The following INPP4B variants were observed in gnomAD, a reference collection of about 807,000 sequenced individuals.
The protein encoded by INPP4B is inositol polyphosphate-4-phosphatase type II B, also known as inositol polyphosphate 4-phosphatase type II.
Under a neutral mutation model 122.5 loss-of-function variants are expected in INPP4B, and 55 were observed. That is an observed-to-expected ratio of 0.45 (90% confidence interval 0.36 to 0.56). INPP4B has a LOEUF of 0.56. Ranked by LOEUF, INPP4B falls within the 20% of genes least tolerant of loss-of-function variation. The pLI, the probability that INPP4B is intolerant of heterozygous loss-of-function variation, is 0.00. For synonymous variants in INPP4B, 403 were observed against 388.7 expected, an observed-to-expected ratio of 1.04 and a Z score of -0.43; for missense variants, 1,000 against 1,097.7, an observed-to-expected ratio of 0.91 and a Z score of 1.26.
chr4:142,164,788 T>C (rs980353010), intron 16 of INPP4B, among the ~76,000 whole-genome samples: 2 of 151,682 alleles, frequency 1.3e-5, no homozygotes, highest in African/African-American at 4.8e-5. Flanking sequence ...AGGGTCTCAC[T>C]ATGTTGCCTG....
chr4:142,441,112 A>C (rs1004295551), intron 3 of INPP4B, among the ~76,000 whole-genome samples: 14 of 152,220 alleles, frequency 9.2e-5, no homozygotes, highest in African/African-American at 3.4e-4. Context: ...CATTAGATAT[A>C]CTTAAGCAAG....
chr4:142,546,599 G>A (rs1056497264), intron 2 of INPP4B, among the ~76,000 whole-genome samples: 8 of 152,196 alleles, frequency 5.3e-5, no homozygotes, highest in African/African-American at 1.2e-4. Flanking sequence ...GTGTCAACAC[G>A]GAGATATTCT....
At chr4:142,810,891 G>T (rs940881387) in intron 1 of INPP4B, among the ~76,000 whole-genome samples, 20 of 152,092 alleles carry the variant, frequency 1.3e-4, no homozygotes, top group Non-Finnish European at 2.8e-4. Context: ...CATACAAATT[G>T]TCATTCAAAA....
chr4:142,083,551 T>A (rs1775232717), intron 24 of INPP4B, among the ~76,000 whole-genome samples: 2 of 152,196 alleles, frequency 1.3e-5, no homozygotes, highest in Admixed American at 1.3e-4. Context: ...GTCTTCTTTA[T>A]TATCTGTCAT....
chr4:142,740,757 C>CA (rs1307804686), intron 1 of INPP4B, among the ~76,000 whole-genome samples: 4 of 151,744 alleles, frequency 2.6e-5, no homozygotes, highest in Admixed American at 6.6e-5. Context: ...CTTGGAGTAG[C>CA]AAAAAAAGGA....
intron 2 of INPP4B, among the ~76,000 whole-genome samples, chr4:142,635,751 A>G (rs1560898220): frequency 6.6e-6 from 1 of 152,110 alleles, no homozygotes; most frequent in Non-Finnish European, 1.5e-5. Flanking sequence ...AAAATAACTA[A>G]TGGTTATTAG....
At chr4:142,286,452 C>A (rs1753739879) in intron 9 of INPP4B, among the ~76,000 whole-genome samples, 1 of 152,076 alleles carries the variant, frequency 6.6e-6, no homozygotes, top group Non-Finnish European at 1.5e-5. Context: ...ATTTCCAATT[C>A]CAGAGAGATT....
intron 9 of INPP4B, among the ~76,000 whole-genome samples, chr4:142,271,884 A>T (rs1025661130): frequency 1.3e-5 from 2 of 152,198 alleles, no homozygotes; most frequent in African/African-American, 4.8e-5. Context: ...TACGAGCCAC[A>T]CTTTAAGATT....
At chr4:142,590,881 C>CAAAAAAAAAAAAA (rs59459819) in intron 2 of INPP4B, among the ~76,000 whole-genome samples, 1 of 93,646 alleles carries the variant, frequency 1.1e-5, no homozygotes, top group Non-Finnish European at 2.1e-5. Flanking sequence ...TATCATTCTC[C>CAAAAAAAAAAAAA]AAAAAAAAAA....
At chr4:142,617,674 C>T (rs1744011201) in intron 2 of INPP4B, among the ~76,000 whole-genome samples, 1 of 152,136 alleles carries the variant, frequency 6.6e-6, no homozygotes, top group Non-Finnish European at 1.5e-5. Context: ...GCTTCCCAAG[C>T]ACATGACTCC....
At chr4:142,384,043 A>G (rs762165887) in intron 7 of INPP4B, 2 of 701,104 alleles carry the variant, frequency 2.9e-6, no homozygotes, top group South Asian at 3.0e-5. Context: ...GTGACTGAGC[A>G]AGTTGTCTCA....
chr4:142,394,231 C>T (rs1171871924), intron 7 of INPP4B, among the ~76,000 whole-genome samples: 4 of 152,246 alleles, frequency 2.6e-5, no homozygotes, highest in East Asian at 1.9e-4. Context: ...CTGCAAGCTC[C>T]GCCTCCTGAG....
intron 3 of INPP4B, among the ~76,000 whole-genome samples, chr4:142,456,763 G>T (rs1815525781): frequency 6.6e-6 from 1 of 152,040 alleles, no homozygotes; most frequent in Admixed American, 6.6e-5. Context: ...GGTCAACTTT[G>T]TCCAAACTGA....
intron 2 of INPP4B, among the ~76,000 whole-genome samples, chr4:142,521,194 A>G (rs1055091134): frequency 6.3e-4 from 96 of 152,130 alleles, no homozygotes; most frequent in Admixed American, 6.3e-3. Flanking sequence ...GGGAAAATTA[A>G]GTGCTGTGAT....
intron 1 of INPP4B, among the ~76,000 whole-genome samples, chr4:142,749,845 A>G (rs114271897): frequency 0.025 from 3,748 of 148,404 alleles, 58 homozygotes; most frequent in Middle Eastern, 0.093. Flanking sequence ...AATTAATACA[A>G]GAGAACAGAT....
chr4:142,305,827 G>A, intron 8 of INPP4B: 1 of 1,149,400 alleles, frequency 8.7e-7, no homozygotes, highest in Non-Finnish European at 1.1e-6. Flanking sequence ...AATTTTCTCT[G>A]CATATGAAAA....
chr4:142,633,222 C>T (rs1748372892), intron 2 of INPP4B, among the ~76,000 whole-genome samples: 1 of 151,566 alleles, frequency 6.6e-6, no homozygotes, highest in African/African-American at 2.4e-5. Flanking sequence ...TTTGTAAACA[C>T]CTAATACTAT....
At chr4:142,032,031 A>G (rs2152277273) in intron 25 of INPP4B, among the ~76,000 whole-genome samples, 1 of 152,336 alleles carries the variant, frequency 6.6e-6, no homozygotes, top group Non-Finnish European at 1.5e-5. Context: ...GACAGAGAGA[A>G]TTTTAAATAG....
chr4:142,118,241 G>T (rs1794723516), intron 21 of INPP4B, among the ~76,000 whole-genome samples: 1 of 152,140 alleles, frequency 6.6e-6, no homozygotes, highest in Non-Finnish European at 1.5e-5. Context: ...TAGATTCAAT[G>T]CCAACCCCAT....
Sources: allele counts gnomAD v4.1 joint callset (sites outside exome capture counted in the v4.1 genomes callset), GRCh38; gene constraint gnomAD v4.1.1; transcripts MANE v1.5; gene names NCBI Gene and HGNC (gene_info 2026-07-23, HGNC 2026-07-21).